Variants in SCARB1 observed in about 807,000 individuals in gnomAD.
SCARB1 encodes the protein CD36 and LIMPII analogous 1.
A neutral mutation model predicts 57.2 loss-of-function variants in SCARB1; 30 were observed. The observed-to-expected ratio is 0.52, with a 90% CI of 0.39 to 0.71. SCARB1 has a LOEUF of 0.71. SCARB1 is among the 30% of genes least tolerant of loss of function. The pLI, the probability that SCARB1 is intolerant of heterozygous loss-of-function variation, is 0.00. For missense variants in SCARB1, 543 were observed against 671.2 expected, an observed-to-expected ratio of 0.81 and a Z score of 2.11; for synonymous variants, 249 against 268.3, an observed-to-expected ratio of 0.93 and a Z score of 0.70.
chr12:124,854,828 G>C (rs908976163), intron 1 of SCARB1, among the ~76,000 whole-genome samples: 1 of 152,102 alleles, frequency 6.6e-6, no homozygotes, highest in Non-Finnish European at 1.5e-5. Context: ...GCGAGCGTGA[G>C]CTGCCTTTGA....
In SCARB1 at chr12:124,812,315, G is replaced by A. The variant is rs1052613627; in HGVS notation, c.631-350C>T. On this transcript the variant is annotated intron_variant, in intron 4 of 12. Coordinates refer to ENST00000261693, the MANE Select transcript of SCARB1 (RefSeq NM_005505.5). This position sits in a 1 kb window ranked among gnomAD's most constrained non-coding sequence, Gnocchi z 4.3. ...CCTGAGCAATGAAAAAGGAGAAGTG[G>A]CATGTCACTTGGGGGGATGCTTTAA... 2.6e-5 allele frequency among the ~76,000 whole-genome samples: 4 copies of A among 152,188 alleles called. No homozygotes were observed. Among genetic ancestry groups the A allele is most frequent in the Non-Finnish European group, 5.9e-5 (4 of 68,042 alleles).
Position 124,847,706 on chromosome 12 carries a change from C to G in SCARB1, c.126+15889G>C, listed in dbSNP as rs145736608. 5.1e-4 allele frequency among the ~76,000 whole-genome samples: 77 copies of G among 152,306 alleles called. 1 individual carries two copies. In the East Asian group the frequency reaches 0.014, roughly 27 times the overall value. ...AATGAGAGCCAGAAATTTTAGAAAGCAGGTGGAGGAAGGGACCAGGAGGAA... is the reference window on the plus strand; with the variant it reads ...AATGAGAGCCAGAAATTTTAGAAAGGAGGTGGAGGAAGGGACCAGGAGGAA... On this transcript the variant is annotated intron_variant, in intron 1 of 12. Coordinates refer to ENST00000261693, the MANE Select transcript of SCARB1 (RefSeq NM_005505.5).
chr12:124,814,100 C>T lies in SCARB1; in HGVS notation c.630+102G>A. On this transcript the variant is annotated intron_variant, in intron 4 of 12. Transcript: ENST00000261693. The surrounding 1 kb of genome is among the most constrained non-coding windows in gnomAD (Gnocchi z 4.7). ...ACTTACAACCCACAGCCACTAGATCCCCAGCCAGCTACAAAGCAAGCTGGT... is the reference window on the plus strand; with the variant it reads ...ACTTACAACCCACAGCCACTAGATCTCCAGCCAGCTACAAAGCAAGCTGGT... 6 of 1,115,284 alleles carry T rather than the reference C, an allele frequency of 5.4e-6. No individual in the cohort carries two copies. The highest frequency in any genetic ancestry group is 2.5e-4 in the Middle Eastern group (1 of 3,958). 69.1% of individuals were successfully genotyped at this position (1,115,284 alleles called of 1,614,324 possible).
chr12:124,798,083 G>A (rs926638287), intron 8 of SCARB1, among the ~76,000 whole-genome samples: 2 of 152,250 alleles, frequency 1.3e-5, no homozygotes, highest in East Asian at 1.9e-4. Flanking sequence ...GAAACGTGGT[G>A]CACACACAGT....
chr12:124,860,652 T>C (rs1952859773), intron 1 of SCARB1, among the ~76,000 whole-genome samples: 1 of 152,238 alleles, frequency 6.6e-6, no homozygotes, highest in Non-Finnish European at 1.5e-5. Flanking sequence ...TGAGCACACC[T>C]GCTCCCAAGG....
At chr12:124,787,503 C>A in intron 9 of SCARB1, 46 bp from the exon 10 acceptor site, 1 of 1,542,608 alleles carries the variant, frequency 6.5e-7, no homozygotes, top group Non-Finnish European at 8.9e-7. Context: ...GTCTTACACC[C>A]AAACTTGATC....
intron 12 of SCARB1, among the ~76,000 whole-genome samples, chr12:124,780,944 A>T (rs1873335370): frequency 6.6e-6 from 1 of 152,196 alleles, no homozygotes; most frequent in Admixed American, 6.5e-5. Flanking sequence ...GAGCAGGCAC[A>T]CCGATGGGGC....
At chr12:124,847,305 G>C (rs370836621) in intron 1 of SCARB1, among the ~76,000 whole-genome samples, 1 of 152,334 alleles carries the variant, frequency 6.6e-6, no homozygotes. Context: ...AGCTGCCAAG[G>C]GATCCTGGCT....
chr12:124,852,337 T>C (rs1952443970), intron 1 of SCARB1, among the ~76,000 whole-genome samples: 1 of 152,208 alleles, frequency 6.6e-6, no homozygotes, highest in African/African-American at 2.4e-5. Flanking sequence ...GACTCAGGCC[T>C]ACAATCTGTG....
At chr12:124,806,760 G>C (rs2135635948) in intron 7 of SCARB1, among the ~76,000 whole-genome samples, 1 of 152,088 alleles carries the variant, frequency 6.6e-6, no homozygotes, top group East Asian at 1.9e-4. Context: ...AAATTAGCTA[G>C]GTATCATGGC....
intron 1 of SCARB1, among the ~76,000 whole-genome samples, chr12:124,823,572 G>A (rs772784815): frequency 6.6e-5 from 10 of 152,272 alleles, no homozygotes; most frequent in East Asian, 5.8e-4. Context: ...CAGTCTGACC[G>A]TTCCTCAAAC....
At chr12:124,778,656 C>T in intron 12 of SCARB1, 70 bp from the exon 13 acceptor site, 5 of 1,338,304 alleles carry the variant, frequency 3.7e-6, no homozygotes, top group Non-Finnish European at 3.8e-6. Flanking sequence ...TCCCCGCCCA[C>T]CACAGCCCTG....
intron 1 of SCARB1, among the ~76,000 whole-genome samples, chr12:124,840,952 T>C (rs1439129581): frequency 6.6e-6 from 1 of 151,810 alleles, no homozygotes; most frequent in Non-Finnish European, 1.5e-5. Context: ...GTGGATCACC[T>C]GAGGTCAGGG....
At chr12:124,844,678 A>G (rs909443670) in intron 1 of SCARB1, among the ~76,000 whole-genome samples, 3 of 152,160 alleles carry the variant, frequency 2.0e-5, no homozygotes, top group Non-Finnish European at 2.9e-5. Flanking sequence ...GGTGGCGTCT[A>G]TGAGGCCGGG....
At chr12:124,862,909 G>A (rs973075318) in intron 1 of SCARB1, among the ~76,000 whole-genome samples, 4 of 152,240 alleles carry the variant, frequency 2.6e-5, no homozygotes, top group Non-Finnish European at 4.4e-5. Context: ...AAGGCTGCGT[G>A]CACTCAGAGG....
At chr12:124,825,581 G>T (rs1951125757) in intron 1 of SCARB1, among the ~76,000 whole-genome samples, 1 of 152,096 alleles carries the variant, frequency 6.6e-6, no homozygotes, top group African/African-American at 2.4e-5. Context: ...TGAGGTGGGA[G>T]AATCGCTTGA....
chr12:124,838,998 C>T (rs1359799185), intron 1 of SCARB1, among the ~76,000 whole-genome samples: 1 of 152,036 alleles, frequency 6.6e-6, no homozygotes, highest in East Asian at 1.9e-4. Flanking sequence ...TGGTCTTGAA[C>T]TCCTGACCTC....
intron 1 of SCARB1, among the ~76,000 whole-genome samples, chr12:124,834,012 C>T (rs1218661550): frequency 2.0e-5 from 3 of 152,278 alleles, no homozygotes; most frequent in Non-Finnish European, 4.4e-5. Context: ...GCTGCCTGCA[C>T]TGCCTCCTCG....
chr12:124,795,902 GTCT>G (rs1372453689), intron 8 of SCARB1, among the ~76,000 whole-genome samples: 3 of 152,252 alleles, frequency 2.0e-5, no homozygotes, highest in Non-Finnish European at 2.9e-5. Flanking sequence ...TTTTATGGTT[GTCT>G]TCTTTTTTTG....
Sources: allele counts gnomAD v4.1 joint callset (sites outside exome capture counted in the v4.1 genomes callset), GRCh38; gene constraint gnomAD v4.1.1; non-coding constraint Gnocchi (gnomAD v3.1); transcripts MANE v1.5; gene names NCBI Gene and HGNC (gene_info 2026-07-23, HGNC 2026-07-21).